DHH: variants seen among roughly 807,000 people sequenced by gnomAD.
The protein encoded by DHH is desert hedgehog protein.
DHH carries 16 observed loss-of-function variants against 27.6 expected under a neutral mutation model. That is an observed-to-expected ratio of 0.58 (90% CI 0.39 to 0.88). The LOEUF is 0.88. Among genes scored for constraint, DHH ranks in the 40% least tolerant of loss-of-function variants. The pLI, the probability that DHH is intolerant of heterozygous loss-of-function variation, is 0.00. For missense variants in DHH, 436 were observed against 563.1 expected, an observed-to-expected ratio of 0.77 and a Z score of 2.28; for synonymous variants, 289 against 263.4, an observed-to-expected ratio of 1.10 and a Z score of -0.94.
In DHH at chr12:49,094,686, G is replaced by A. The variant is rs1939373374; in HGVS notation, c.-174C>T. On this transcript the variant is annotated 5_prime_UTR_variant, in exon 1 of 3. Transcript: ENST00000649637. ...CTGCTAGCTCTGCCCACGTGCCCCG[G>A]GAGCGGGCGGGGGGTGTCTAGGACC... 1 of 793,252 alleles carries A rather than the reference G, an allele frequency of 1.3e-6. No homozygotes were observed. The highest frequency in any genetic ancestry group is 2.1e-6 in the Non-Finnish European group (1 of 481,888). 49.1% of individuals were successfully genotyped at this position (793,252 alleles called of 1,614,324 possible). A position where few individuals can be genotyped will look rare whatever the true frequency, so the allele number is the denominator to read the frequency against.
chr12:49,089,749 CCTCCCT>C lies in DHH; in HGVS notation c.*104_*109del, dbSNP rs1162303665. On this transcript the variant is annotated 3_prime_UTR_variant, in exon 3 of 3. Transcript: ENST00000649637. Reference sequence around the variant, plus strand: ...GGCATAGCCCCATTTTCTCCCTCCCCCTCCCTCTCCCTCCCTTCCAGTCGGCATCGT... The same window carrying C: ...GGCATAGCCCCATTTTCTCCCTCCCCCTCCCTCCCTTCCAGTCGGCATCGT... The C allele has an allele frequency of 8.3e-5, 115 of 1,379,022 alleles. No homozygotes were observed. The highest frequency in any genetic ancestry group is 1.1e-4 in the Non-Finnish European group (112 of 1,054,332). The allele number at this position is 1,379,022 out of a possible 1,614,324, so 85.4% of individuals were successfully genotyped here. A position where few individuals can be genotyped will look rare whatever the true frequency, so the allele number is the denominator to read the frequency against.
chr12:49,090,533 G>A lies in DHH; in HGVS notation c.566-49C>T. 6.3e-7 allele frequency: 1 copy of A among 1,587,406 alleles called. No individual in the cohort carries two copies. Among genetic ancestry groups the A allele is most frequent in the Non-Finnish European group, 8.5e-7 (1 of 1,175,674 alleles). On this transcript the variant is annotated intron_variant, in intron 2 of 2. Coordinates refer to ENST00000649637, the MANE Select transcript of DHH (RefSeq NM_021044.4). This position sits in a 1 kb window ranked among gnomAD's most constrained non-coding sequence, Gnocchi z 5.2. The stretch of plus-strand genomic sequence containing the variant: ...GATTGAATCAAGACCAGCGGTTCCA[G>A]AACGATTCTCAAGGCCAGCGCAGAT...
chr12:49,092,864 G>C (rs1400072989), intron 1 of DHH: 1 of 152,252 alleles, frequency 6.6e-6, no homozygotes, highest in East Asian at 1.9e-4. Context: ...AATGTTCCAC[G>C]GCCAAGGAGG....
In DHH at chr12:49,091,009, T is replaced by G. The variant is rs1592185739; in HGVS notation, c.565+119A>C. ...GAGGCACCGCCTCGGCCTGGACGGGTGGTTTTCAACACTAAAGCCCGCTTG... is the reference window on the plus strand; with the variant it reads ...GAGGCACCGCCTCGGCCTGGACGGGGGGTTTTCAACACTAAAGCCCGCTTG... On this transcript the variant is annotated intron_variant, in intron 2 of 2. Coordinates refer to ENST00000649637, the MANE Select transcript of DHH (RefSeq NM_021044.4). This position sits in a 1 kb window ranked among gnomAD's most constrained non-coding sequence, Gnocchi z 4.8. 6 of 1,486,664 alleles carry G rather than the reference T, an allele frequency of 4.0e-6. No individual in the cohort carries two copies. The highest frequency in any genetic ancestry group is 9.3e-7 in the Non-Finnish European group (1 of 1,071,338). 92.1% of individuals were successfully genotyped at this position (1,486,664 alleles called of 1,614,324 possible).
chr12:49,094,296 G>A lies in DHH; in HGVS notation c.217C>T (p.Arg73Cys). ...AEGRVARGSE[R>C]FRDLVPNYNP... ...TAGTTGGGCACGAGGTCCCGGAAGC[G>A]CTCGGAGCCCCTTGCCACCCTCCCC... is the stretch of plus-strand genomic sequence containing the variant. Residue 73 changes from arginine to cysteine, a missense_variant, in exon 1 of 3, where the codon CGC becomes TGC. Transcript: ENST00000649637. 6.2e-7 allele frequency: 1 copy of A among 1,613,364 alleles called. No individual in the cohort carries two copies. The highest frequency in any genetic ancestry group is 8.5e-7 in the Non-Finnish European group (1 of 1,179,938).
rs1177760176 is a variant in DHH, at chr12:49,091,657, AC to A, written c.304-269del. On this transcript the variant is annotated intron_variant, in intron 1 of 2. Coordinates refer to ENST00000649637, the MANE Select transcript of DHH (RefSeq NM_021044.4). The surrounding 1 kb of genome is among the most constrained non-coding windows in gnomAD (Gnocchi z 4.8). ...TCCCCATTTTTAATGCCCGTCCCTC[AC>A]CCCTATTGGTTCAGGGACAGCGGCT... 2.0e-5 allele frequency among the ~76,000 whole-genome samples: 3 copies of A among 151,944 alleles called. No homozygotes were observed. Among genetic ancestry groups the A allele is most frequent in the Admixed American group, 2.0e-4 (3 of 15,260 alleles).
Position 49,094,785 on chromosome 12 carries a change from G to C in DHH, c.-273C>G. The C allele has an allele frequency of 1.8e-6, 1 of 567,700 alleles. No individual in the cohort carries two copies. The highest frequency in any genetic ancestry group is 3.2e-6 in the Non-Finnish European group (1 of 316,566). The allele number at this position is 567,700 out of a possible 1,614,324, so 35.2% of individuals were successfully genotyped here. The stretch of plus-strand genomic sequence containing the variant: ...CCAGCCCAGCCCGTCTCTGCTGCAG[G>C]ACTCTGGTGCTGCCAGAACGCCCGG... On this transcript the variant is annotated 5_prime_UTR_variant, in exon 1 of 3. Transcript: ENST00000649637.
At position 49,087,655 on chromosome 12, in the gene DHH, G is replaced by C. The variant is rs950758300; in HGVS notation, c.*2204C>G. Among the ~76,000 whole-genome samples, 3 of 152,096 alleles carry C rather than the reference G, an allele frequency of 2.0e-5. No homozygotes were observed. Among genetic ancestry groups the C allele is most frequent in the Admixed American group, 2.0e-4 (3 of 15,268 alleles). ...GAGGTTGAAGCTACAGGGGACCAAG[G>C]TCACACCACTGCACTCCAGCGTGGG... On this transcript the variant is annotated 3_prime_UTR_variant, in exon 3 of 3. Transcript: ENST00000649637.
In DHH at chr12:49,087,105, G is replaced by A. The variant is rs1939222368; in HGVS notation, c.*2754C>T. ...TATTTTGTTGATGGTGAAAGGTGCT[G>A]CAATTGGGAGGTGTTGCATGGCCAA... On this transcript the variant is annotated 3_prime_UTR_variant, in exon 3 of 3. Transcript: ENST00000649637. 6.6e-6 allele frequency among the ~76,000 whole-genome samples: 1 copy of A among 152,116 alleles called. No individual in the cohort carries two copies. Among genetic ancestry groups the A allele is most frequent in the African/African-American group, 2.4e-5 (1 of 41,410 alleles).
In DHH at chr12:49,087,563, C is replaced by T. The variant is rs1939228395; in HGVS notation, c.*2296G>A. On this transcript the variant is annotated 3_prime_UTR_variant, in exon 3 of 3. Transcript: ENST00000649637. Reference sequence around the variant, plus strand: ...ACAGAAAATACAAACATTAGCCAGGCATAGCGGCATGCACCTGTAGTCCCA... The same window carrying T: ...ACAGAAAATACAAACATTAGCCAGGTATAGCGGCATGCACCTGTAGTCCCA... 6.6e-6 allele frequency among the ~76,000 whole-genome samples: 1 copy of T among 152,134 alleles called. No homozygotes were observed. The highest frequency in any genetic ancestry group is 2.4e-5 in the African/African-American group (1 of 41,432).
Position 49,094,643 on chromosome 12 carries a change from G to A in DHH, c.-131C>T, listed in dbSNP as rs1939371712. ...CCCAGAGTGCCCTAGAGCTCTTGTG[G>A]CTCCGTGCACCTGGCTGCTGCTAGC... On this transcript the variant is annotated 5_prime_UTR_variant, in exon 1 of 3. Coordinates refer to ENST00000649637, the MANE Select transcript of DHH (RefSeq NM_021044.4). 2 of 1,110,794 alleles carry A rather than the reference G, an allele frequency of 1.8e-6. No homozygotes were observed. Among genetic ancestry groups the A allele is most frequent in the Admixed American group, 4.0e-5 (2 of 49,884 alleles). The allele number at this position is 1,110,794 out of a possible 1,614,324, so 68.8% of individuals were successfully genotyped here.
In DHH at chr12:49,089,917, G is replaced by A; in HGVS notation, c.1133C>T (p.Thr378Ile). The change falls in exon 3 of 3, where the codon ACT becomes ATT. Residue 378 changes from threonine to isoleucine, a missense_variant. By Grantham distance (89) the Thr-to-Ile change is moderately conservative. Transcript: ENST00000649637. ...ALLPGGAVQP[T>I]GMHWYSRLLY... is the part of the protein sequence containing the mutation. ...GAGCCGAGAGTACCAATGCATGCCAGTCGGCTGGACGGCCCCGCCGGGGAG... is the reference window on the plus strand; with the variant it reads ...GAGCCGAGAGTACCAATGCATGCCAATCGGCTGGACGGCCCCGCCGGGGAG... 1 of 1,592,226 alleles carries A rather than the reference G, an allele frequency of 6.3e-7. No homozygotes were observed. Among genetic ancestry groups the A allele is most frequent in the Admixed American group, 1.8e-5 (1 of 56,610 alleles).
rs1939281732 is a variant in DHH at position 49,090,561 on chromosome 12, C to G, written c.566-77G>C. The G allele has an allele frequency of 6.4e-7, 1 of 1,557,714 alleles. No individual in the cohort carries two copies. The highest frequency in any genetic ancestry group is 2.3e-5 in the East Asian group (1 of 43,726). On this transcript the variant is annotated intron_variant, in intron 2 of 2. Transcript: ENST00000649637. This position sits in a 1 kb window ranked among gnomAD's most constrained non-coding sequence, Gnocchi z 5.2. ...CGATTCTCAAGGCCAGCGCAGATAT[C>G]GCCAGTCATGGACAACACAATTTTC...
At position 49,094,606 on chromosome 12, in the gene DHH, G is replaced by A; in HGVS notation, c.-94C>T. 2.1e-6 allele frequency: 3 copies of A among 1,409,886 alleles called. No individual in the cohort carries two copies. The highest frequency in any genetic ancestry group is 2.9e-6 in the Non-Finnish European group (3 of 1,021,410). 87.3% of individuals were successfully genotyped at this position (1,409,886 alleles called of 1,614,324 possible). A position where few individuals can be genotyped will look rare whatever the true frequency, so the allele number is the denominator to read the frequency against. On this transcript the variant is annotated 5_prime_UTR_variant, in exon 1 of 3. Transcript: ENST00000649637. The stretch of plus-strand genomic sequence containing the variant: ...TCCACAGGCACCAGAGAGGGCAGCA[G>A]GCACAGCTGCCCCCAGAGTGCCCTA...
intron 1 of DHH, chr12:49,093,029 C>T (rs1939332881): frequency 1.3e-5 from 2 of 152,240 alleles, no homozygotes; most frequent in African/African-American, 4.8e-5. Context: ...CTCCCTCTCC[C>T]CCCACCTCCC....
rs1939311386 is a variant in DHH at position 49,091,914 on chromosome 12, G to C, written c.304-525C>G. 6.6e-6 allele frequency among the ~76,000 whole-genome samples: 1 copy of C among 152,088 alleles called. No homozygotes were observed. The highest frequency in any genetic ancestry group is 6.5e-5 in the Admixed American group (1 of 15,268). ...TTAGCATTAACCCCTTCGTGCTCTG[G>C]GTGCCCCCCAGAGAGGTGCCCAAGA... On this transcript the variant is annotated intron_variant, in intron 1 of 2. Coordinates refer to ENST00000649637, the MANE Select transcript of DHH (RefSeq NM_021044.4). This position sits in a 1 kb window ranked among gnomAD's most constrained non-coding sequence, Gnocchi z 4.8.
chr12:49,093,661 C>G (rs1939342468), intron 1 of DHH, among the ~76,000 whole-genome samples: 1 of 152,114 alleles, frequency 6.6e-6, no homozygotes, highest in Non-Finnish European at 1.5e-5. Context: ...ATAGATGTGT[C>G]CTGGTTCTAG....
Position 49,089,921 on chromosome 12 carries a change from G to A in DHH, c.1129C>T (p.Pro377Ser). 1 of 1,590,568 alleles carries A rather than the reference G, an allele frequency of 6.3e-7. No homozygotes were observed. Among genetic ancestry groups the A allele is most frequent in the Non-Finnish European group, 8.6e-7 (1 of 1,169,460 alleles). ...CGAGAGTACCAATGCATGCCAGTCG[G>A]CTGGACGGCCCCGCCGGGGAGCAGC... is the stretch of plus-strand genomic sequence containing the variant. ...GALLPGGAVQ[P>S]TGMHWYSRLL... Residue 377 changes from proline to serine, a missense_variant, in exon 3 of 3, where the codon CCG becomes TCG. Physicochemically the swap from Pro to Ser is moderately conservative, Grantham distance 74 (BLOSUM62 -1). Transcript: ENST00000649637.
chr12:49,094,286 TC>T lies in DHH; in HGVS notation c.226del (p.Asp76ThrfsTer23). The T allele has an allele frequency of 6.2e-7, 1 of 1,613,370 alleles. No homozygotes were observed. The highest frequency in any genetic ancestry group is 8.5e-7 in the Non-Finnish European group (1 of 1,179,942). On this transcript the variant is annotated frameshift_variant, in exon 1 of 3. Transcript: ENST00000649637. LOFTEE classifies it high-confidence loss of function. ...RVARGSERFR[D>X]LVPNYNPDII... ...GTCGGGGTTGTAGTTGGGCACGAGG[TC>T]CCGGAAGCGCTCGGAGCCCCTTGCC...
Sources: gnomAD v4.1 joint callset for allele counts (sites outside exome capture counted in the v4.1 genomes callset) on GRCh38, gnomAD v4.1.1 for gene constraint, Gnocchi (gnomAD v3.1) non-coding constraint, MANE v1.5 for transcripts, NCBI Gene and HGNC (gene_info 2026-07-23, HGNC 2026-07-21) for gene names.